Variants in SLC8A1 observed in about 807,000 individuals in gnomAD.
The protein encoded by SLC8A1 is solute carrier family 8 member A1.
In SLC8A1, 18 loss-of-function variants were observed where a neutral mutation model predicts 68.3. The ratio of observed to expected loss-of-function variants is 0.26; its 90% CI spans 0.18 to 0.39. SLC8A1 has a LOEUF of 0.39. Among genes scored for constraint, SLC8A1 ranks in the 10% least tolerant of loss-of-function variants. SLC8A1 has a pLI of 1.00. For synonymous variants in SLC8A1, 475 were observed against 415.5 expected, an observed-to-expected ratio of 1.14 and a Z score of -1.74; for missense variants, 985 against 1,156.7, an observed-to-expected ratio of 0.85 and a Z score of 2.15.
intron 1 of SLC8A1, among the ~76,000 whole-genome samples, chr2:40,449,567 T>A (rs868629751): frequency 6.6e-6 from 1 of 152,222 alleles, no homozygotes; most frequent in Admixed American, 6.5e-5. Flanking sequence ...GTAATTTTAT[T>A]GGGAGTCAAA....
At chr2:40,292,849 T>A (rs1559121678) in intron 2 of SLC8A1, among the ~76,000 whole-genome samples, 1 of 152,192 alleles carries the variant, frequency 6.6e-6, no homozygotes, top group East Asian at 1.9e-4. Context: ...TACCAAACTC[T>A]GTAATAACAA....
chr2:40,137,167 G>T (rs1374149429), intron 7 of SLC8A1, among the ~76,000 whole-genome samples: 1 of 152,080 alleles, frequency 6.6e-6, no homozygotes, highest in African/African-American at 2.4e-5. Context: ...TAATTATAAG[G>T]CTGCCACAAT....
intron 2 of SLC8A1, chr2:40,251,672 T>A (rs916871809): frequency 2.6e-5 from 4 of 152,224 alleles, no homozygotes; most frequent in African/African-American, 9.6e-5. Flanking sequence ...TTGTTTGTTT[T>A]GTGCTTCTCA....
intron 1 of SLC8A1, among the ~76,000 whole-genome samples, chr2:40,491,130 T>C (rs917429921): frequency 6.6e-5 from 10 of 152,138 alleles, no homozygotes; most frequent in African/African-American, 2.4e-4. Flanking sequence ...TAGGAAGTCA[T>C]CTAATTCAAG....
chr2:40,270,205 C>T (rs865831610), intron 2 of SLC8A1, among the ~76,000 whole-genome samples: 1 of 152,228 alleles, frequency 6.6e-6, no homozygotes, highest in African/African-American at 2.4e-5. Flanking sequence ...TCAATTTCTC[C>T]ATCATAGGAT....
chr2:40,320,770 G>C (rs2075087416), intron 2 of SLC8A1, among the ~76,000 whole-genome samples: 1 of 152,098 alleles, frequency 6.6e-6, no homozygotes. Flanking sequence ...TCTCTTAAGA[G>C]TCTTCTCAAA....
At chr2:40,164,653 G>A (rs965885137) in intron 5 of SLC8A1, among the ~76,000 whole-genome samples, 1 of 152,098 alleles carries the variant, frequency 6.6e-6, no homozygotes, top group Non-Finnish European at 1.5e-5. Flanking sequence ...TGGTTCGGAT[G>A]CTGTTTGGTT....
chr2:40,297,165 T>C (rs1242870109), intron 2 of SLC8A1, among the ~76,000 whole-genome samples: 1 of 152,168 alleles, frequency 6.6e-6, no homozygotes, highest in Non-Finnish European at 1.5e-5. Context: ...AGACATTATA[T>C]CCTATTCATC....
intron 2 of SLC8A1, among the ~76,000 whole-genome samples, chr2:40,322,397 C>T (rs2075303482): frequency 6.6e-6 from 1 of 151,412 alleles, no homozygotes; most frequent in African/African-American, 2.4e-5. Context: ...GTGGTTCACA[C>T]CTGTAATCCC....
At chr2:40,341,262 C>G (rs1667605377) in intron 2 of SLC8A1, among the ~76,000 whole-genome samples, 1 of 152,126 alleles carries the variant, frequency 6.6e-6, no homozygotes, top group Non-Finnish European at 1.5e-5. Flanking sequence ...TCAAAGAGCA[C>G]TAATGAGTAT....
chr2:40,428,140 A>G (rs997462226), intron 2 of SLC8A1, among the ~76,000 whole-genome samples: 4 of 152,202 alleles, frequency 2.6e-5, no homozygotes, highest in Non-Finnish European at 5.9e-5. Context: ...GATTCAAAAT[A>G]GAAGACCAAT....
intron 2 of SLC8A1, among the ~76,000 whole-genome samples, chr2:40,255,510 G>GTGTTCTGGACTA (rs1363221848): frequency 2.0e-5 from 3 of 152,214 alleles, no homozygotes; most frequent in African/African-American, 7.2e-5. Flanking sequence ...TAGGGAGAAA[G>GTGTTCTGGACTA]TGTTCTGGAC....
At chr2:40,174,685 C>A (rs200420137) in intron 4 of SLC8A1, 21 bp downstream of exon 6, 1 of 1,489,334 alleles carries the variant, frequency 6.7e-7, no homozygotes, top group Non-Finnish European at 9.2e-7. Flanking sequence ...AAATAAGGAA[C>A]ATTAAAAAAA....
chr2:40,163,470 G>T (rs922265002), intron 5 of SLC8A1, among the ~76,000 whole-genome samples: 1 of 152,174 alleles, frequency 6.6e-6, no homozygotes, highest in Non-Finnish European at 1.5e-5. Context: ...ATGAAAAGAG[G>T]GTGAATGAGG....
chr2:40,100,314 G>T (rs1191495165), exon 8 of SLC8A1: 6 of 152,028 alleles, frequency 3.9e-5, no homozygotes, highest in Non-Finnish European at 7.4e-5. Context: ...AGAAACCATG[G>T]ACTGTAGACA....
At chr2:40,126,485 A>C (rs774951630) in intron 7 of SLC8A1, among the ~76,000 whole-genome samples, 12 of 152,164 alleles carry the variant, frequency 7.9e-5, no homozygotes, top group Admixed American at 5.9e-4. Context: ...TGCTGAGAAC[A>C]GAGGTGGTAG....
chr2:40,330,200 C>A (rs1055472251), intron 2 of SLC8A1, among the ~76,000 whole-genome samples: 2 of 152,182 alleles, frequency 1.3e-5, no homozygotes, highest in Middle Eastern at 3.4e-3. Flanking sequence ...TAGAAGGTAC[C>A]ATATTTTTCC....
intron 7 of SLC8A1, among the ~76,000 whole-genome samples, chr2:40,128,305 G>C (rs900661960): frequency 1.3e-5 from 2 of 152,158 alleles, no homozygotes; most frequent in Non-Finnish European, 2.9e-5. Flanking sequence ...ATGAAGTTTT[G>C]CTTTCTTATA....
chr2:40,106,192 A>C (rs1558383355), exon 8 of SLC8A1: 1 of 152,166 alleles, frequency 6.6e-6, no homozygotes, highest in Non-Finnish European at 1.5e-5. Flanking sequence ...TTTCCTTTTC[A>C]CTTTTCTCTC....
Sources: gnomAD v4.1 joint callset for allele counts (sites outside exome capture counted in the v4.1 genomes callset) on GRCh38, gnomAD v4.1.1 for gene constraint, MANE v1.5 for transcripts, NCBI Gene and HGNC (gene_info 2026-07-23, HGNC 2026-07-21) for gene names.